The following LRFN2 variants were observed in gnomAD, a reference collection of about 807,000 sequenced individuals.
LRFN2 encodes the protein leucine rich repeat and fibronectin type III domain containing 2, also known as leucine-rich repeat and fibronectin type-III domain-containing protein 2.
A neutral mutation model predicts 37.3 loss-of-function variants in LRFN2; 18 were observed. The observed-to-expected ratio is 0.48, with a 90% CI of 0.33 to 0.72. LRFN2 has a LOEUF of 0.72. Ranked by LOEUF, LRFN2 falls within the 30% of genes least tolerant of loss-of-function variation. LRFN2 has a pLI of 0.02. For missense variants in LRFN2, 1,006 were observed against 1,060.7 expected, an observed-to-expected ratio of 0.95 and a Z score of 0.72; for synonymous variants, 556 against 466.6, an observed-to-expected ratio of 1.19 and a Z score of -2.47.
At chr6:40,534,859 G>A (rs1422521766) in intron 1 of LRFN2, among the ~76,000 whole-genome samples, 2 of 152,232 alleles carry the variant, frequency 1.3e-5, no homozygotes, top group East Asian at 3.9e-4. Context: ...AATGCCAGGT[G>A]CCCCGCGCCC....
chr6:40,501,542 G>C (rs1340612781), intron 1 of LRFN2: 2 of 151,392 alleles, frequency 1.3e-5, no homozygotes, highest in African/African-American at 4.9e-5. Flanking sequence ...TGCCCAGGCT[G>C]GTCTTAAACT....
At chr6:40,424,060 A>T (rs1334435918) in intron 2 of LRFN2, among the ~76,000 whole-genome samples, 1 of 152,206 alleles carries the variant, frequency 6.6e-6, no homozygotes, top group Non-Finnish European at 1.5e-5. Context: ...TTCTGACTCC[A>T]GAGTCATCTT....
At chr6:40,576,399 G>C (rs1243797161) in intron 1 of LRFN2, among the ~76,000 whole-genome samples, 1 of 152,230 alleles carries the variant, frequency 6.6e-6, no homozygotes. Flanking sequence ...TGAACTGAAA[G>C]AGCAGCGAAT....
Position 40,409,678 on chromosome 6 carries a change from A to G in LRFN2, c.1401-16766T>C, listed in dbSNP as rs2113804004. Among the ~76,000 whole-genome samples the G allele has an allele frequency of 1.3e-5, 2 of 152,286 alleles. 1 individual carries two copies. Among genetic ancestry groups the G allele is most frequent in the Admixed American group, 1.3e-4 (2 of 15,304 alleles). On this transcript the variant is annotated intron_variant, in intron 2 of 2. Coordinates refer to ENST00000338305, the MANE Select transcript of LRFN2 (RefSeq NM_020737.3). ...ACCGTCTGGAAAACCTAAGACGCAC[A>G]TCTACTTGGACACAGTATGTAAGTG...
In LRFN2 at chr6:40,481,789, G is replaced by T. The variant is rs111738552; in HGVS notation, c.-18-48658C>A. On this transcript the variant is annotated intron_variant, in intron 1 of 2. Transcript: ENST00000338305. ...AGATCTGAGAGGTTCCTGTGCCCGG[G>T]GGCAGGAGATGAAGGGTGAAGACTC... Among the ~76,000 whole-genome samples, 891 of 152,246 alleles carry T rather than the reference G, an allele frequency of 5.9e-3. 9 individuals are homozygous for T. The highest frequency in any genetic ancestry group is 0.02 in the African/African-American group (823 of 41,540).
intron 1 of LRFN2, among the ~76,000 whole-genome samples, chr6:40,581,614 A>T (rs1767404832): frequency 6.6e-6 from 1 of 152,224 alleles, no homozygotes. Flanking sequence ...TGAATCAAGT[A>T]ATCAATTCTA....
In LRFN2 at chr6:40,432,139, G is replaced by C. The variant is rs199511167; in HGVS notation, c.975C>G (p.Pro325=). 6.2e-7 allele frequency: 1 copy of C among 1,613,742 alleles called. No individual in the cohort carries two copies. The highest frequency in any genetic ancestry group is 1.1e-5 in the South Asian group (1 of 91,072). ...AGGAGTTCCCTACCAGGCGGTCATC[G>C]GGGGCTACCCAGTGGATAAGGGGGC... The part of the protein sequence containing the change: ...DPSPLIHWVA[P]DDRLVGNSSR... The change falls in exon 2 of 3, where the codon CCC becomes CCG. Residue 325 remains proline (P), a synonymous_variant. Coordinates refer to ENST00000338305, the MANE Select transcript of LRFN2 (RefSeq NM_020737.3).
chr6:40,539,351 C>A (rs750544912), intron 1 of LRFN2, among the ~76,000 whole-genome samples: 4 of 152,194 alleles, frequency 2.6e-5, no homozygotes, highest in Non-Finnish European at 5.9e-5. Flanking sequence ...TCCCTGGCAG[C>A]CTGGCAGCTG....
At chr6:40,519,788 G>A (rs1158579830) in intron 1 of LRFN2, among the ~76,000 whole-genome samples, 3 of 152,242 alleles carry the variant, frequency 2.0e-5, no homozygotes, top group Admixed American at 2.0e-4. Flanking sequence ...AAGCAGGTGA[G>A]TCTATAGGGC....
intron 1 of LRFN2, chr6:40,517,299 C>T (rs1765907504): frequency 2.0e-5 from 3 of 152,146 alleles, no homozygotes; most frequent in Admixed American, 2.0e-4. Context: ...CTACATTAGC[C>T]CTACCTTATG....
chr6:40,534,245 G>C (rs1053833044), intron 1 of LRFN2, among the ~76,000 whole-genome samples: 1 of 152,206 alleles, frequency 6.6e-6, no homozygotes, highest in African/African-American at 2.4e-5. Context: ...TCCTCTCACT[G>C]TGAGATGGGC....
At chr6:40,416,099 C>T (rs759037819) in intron 2 of LRFN2, among the ~76,000 whole-genome samples, 10 of 152,164 alleles carry the variant, frequency 6.6e-5, no homozygotes, top group Non-Finnish European at 1.3e-4. Context: ...ACCTCTGCCT[C>T]CTGGGTTCAA....
intron 1 of LRFN2, among the ~76,000 whole-genome samples, chr6:40,466,953 G>C (rs909901938): frequency 2.6e-5 from 4 of 152,060 alleles, no homozygotes; most frequent in Admixed American, 6.5e-5. Flanking sequence ...GACACACACA[G>C]AGGAAAAATC....
At chr6:40,562,825 G>A (rs556465379) in intron 1 of LRFN2, among the ~76,000 whole-genome samples, 5 of 131,038 alleles carry the variant, frequency 3.8e-5, no homozygotes, top group South Asian at 2.6e-4. Flanking sequence ...GCTTATGTGC[G>A]TGCACTCACT....
chr6:40,550,597 A>C (rs1766758930), intron 1 of LRFN2, among the ~76,000 whole-genome samples: 1 of 152,208 alleles, frequency 6.6e-6, no homozygotes, highest in African/African-American at 2.4e-5. Flanking sequence ...TGCCAGAAGA[A>C]GGTACCGGGG....
Position 40,391,846 on chromosome 6 carries a change from G to T in LRFN2, c.*97C>A. 1 of 1,320,282 alleles carries T rather than the reference G, an allele frequency of 7.6e-7. No homozygotes were observed. The highest frequency in any genetic ancestry group is 1.0e-6 in the Non-Finnish European group (1 of 982,504). The allele number at this position is 1,320,282 out of a possible 1,614,324, so 81.8% of individuals were successfully genotyped here. A position where few individuals can be genotyped will look rare whatever the true frequency, so the allele number is the denominator to read the frequency against. ...CAGGGAGACGAAACTGTCCCTGGAT[G>T]TAAACATCACCATGGAAACTCCACA... On this transcript the variant is annotated 3_prime_UTR_variant, in exon 3 of 3. Coordinates refer to ENST00000338305, the MANE Select transcript of LRFN2 (RefSeq NM_020737.3).
At chr6:40,552,514 GAC>G (rs1224378654) in intron 1 of LRFN2, among the ~76,000 whole-genome samples, 2 of 152,184 alleles carry the variant, frequency 1.3e-5, no homozygotes, top group Non-Finnish European at 2.9e-5. Flanking sequence ...TAGCTGAGCA[GAC>G]ACAGTTATGT....
At chr6:40,458,193 T>C (rs1764274079) in intron 1 of LRFN2, among the ~76,000 whole-genome samples, 1 of 152,192 alleles carries the variant, frequency 6.6e-6, no homozygotes, top group African/African-American at 2.4e-5. Flanking sequence ...CCAGCCTTCA[T>C]TCTAGGGTGG....
At chr6:40,476,476 C>A (rs1158413039) in intron 1 of LRFN2, among the ~76,000 whole-genome samples, 5 of 152,240 alleles carry the variant, frequency 3.3e-5, no homozygotes, top group African/African-American at 1.2e-4. Flanking sequence ...ATACTTCCAG[C>A]AATGCCTGGT....
Sources: gnomAD v4.1 joint callset for allele counts (sites outside exome capture counted in the v4.1 genomes callset) on GRCh38, gnomAD v4.1.1 for gene constraint, MANE v1.5 for transcripts, NCBI Gene and HGNC (gene_info 2026-07-23, HGNC 2026-07-21) for gene names.